DAPK2: variants seen among roughly 807,000 people sequenced by gnomAD.
The protein encoded by DAPK2 is death associated protein kinase 2.
DAPK2 carries 35 observed loss-of-function variants against 44.1 expected under a neutral mutation model. The ratio of observed to expected loss-of-function variants is 0.79; its 90% CI spans 0.61 to 1.05. DAPK2 has a LOEUF of 1.05. Ranked by LOEUF, DAPK2 falls within the 50% of genes least tolerant of loss-of-function variation. The probability of loss-of-function intolerance (pLI) is 0.00; values close to 1 mark genes in which losing one functional copy is unlikely to be tolerated. For missense variants in DAPK2, 453 were observed against 483.2 expected, an observed-to-expected ratio of 0.94 and a Z score of 0.59; for synonymous variants, 174 against 182.6, an observed-to-expected ratio of 0.95 and a Z score of 0.38.
chr15:63,945,729 C>A (rs549053726), intron 3 of DAPK2, among the ~76,000 whole-genome samples: 1 of 152,310 alleles, frequency 6.6e-6, no homozygotes, highest in South Asian at 2.1e-4. Context: ...CTCAGCCCCC[C>A]AACTGTAAGT....
At chr15:63,927,418 T>C (rs1362195687) in intron 6 of DAPK2, among the ~76,000 whole-genome samples, 1 of 152,156 alleles carries the variant, frequency 6.6e-6, no homozygotes, top group African/African-American at 2.4e-5. Flanking sequence ...GTTCCCTACA[T>C]CCCAGTTCAA....
chr15:64,033,697 A>C (rs949559631), intron 1 of DAPK2, among the ~76,000 whole-genome samples: 2 of 152,084 alleles, frequency 1.3e-5, no homozygotes, highest in Admixed American at 1.3e-4. Flanking sequence ...TCACGAGGTC[A>C]GGAGATGGAG....
chr15:63,945,711 C>T (rs150510479), intron 3 of DAPK2, among the ~76,000 whole-genome samples: 11 of 152,338 alleles, frequency 7.2e-5, no homozygotes, highest in Non-Finnish European at 1.3e-4. Context: ...CACGTCCTTT[C>T]TCTGGGCCTC....
chr15:63,921,980 A>T (rs2079085558), intron 8 of DAPK2: 1 of 152,204 alleles, frequency 6.6e-6, no homozygotes, highest in Non-Finnish European at 1.5e-5. Flanking sequence ...TACCTCTGGG[A>T]CCTGGACTTT....
At chr15:63,937,344 AT>A (rs371371085) in intron 4 of DAPK2, among the ~76,000 whole-genome samples, 57 of 151,764 alleles carry the variant, frequency 3.8e-4, no homozygotes, top group East Asian at 1.5e-3. Context: ...AAATTAGGGA[AT>A]TTTTTTTTGA....
At chr15:64,036,442 A>G (rs1400815255) in intron 1 of DAPK2, among the ~76,000 whole-genome samples, 1 of 150,240 alleles carries the variant, frequency 6.7e-6, no homozygotes, top group African/African-American at 2.4e-5. Context: ...TCTGTGAAAC[A>G]GACACCCAGA....
At chr15:64,030,838 C>T (rs1286090399) in intron 1 of DAPK2, among the ~76,000 whole-genome samples, 2 of 152,116 alleles carry the variant, frequency 1.3e-5, no homozygotes, top group African/African-American at 4.8e-5. Flanking sequence ...GTCTAGGGCA[C>T]ATGCCTATAG....
At chr15:64,021,956 G>T (rs1020712936) in intron 1 of DAPK2, among the ~76,000 whole-genome samples, 1 of 152,206 alleles carries the variant, frequency 6.6e-6, no homozygotes, top group Admixed American at 6.5e-5. Context: ...ATGAGACTAA[G>T]TTGGTCACAT....
chr15:64,035,301 C>T (rs1010242076), intron 1 of DAPK2, among the ~76,000 whole-genome samples: 4 of 152,154 alleles, frequency 2.6e-5, no homozygotes, highest in African/African-American at 9.7e-5. Context: ...TGTGGAAGTT[C>T]ACAAAACCAT....
upstream of DAPK2, among the ~76,000 whole-genome samples, chr15:64,042,235 C>G (rs2080368772): frequency 6.6e-6 from 1 of 152,112 alleles, no homozygotes; most frequent in Admixed American, 6.6e-5. The surrounding 1 kb of genome is among the most constrained non-coding windows in gnomAD (Gnocchi z 4.7). Context: ...AGCCCTCTAG[C>G]AAGTTTAGCT....
At chr15:63,971,049 T>G (rs1306675452) in intron 3 of DAPK2, among the ~76,000 whole-genome samples, 1 of 152,186 alleles carries the variant, frequency 6.6e-6, no homozygotes, top group Non-Finnish European at 1.5e-5. Flanking sequence ...ACTTCAGCAA[T>G]CCTCCAAACA....
At chr15:63,951,270 A>G (rs1439411240) in intron 3 of DAPK2, among the ~76,000 whole-genome samples, 1 of 152,106 alleles carries the variant, frequency 6.6e-6, no homozygotes, top group Non-Finnish European at 1.5e-5. Flanking sequence ...ACACAAAACC[A>G]CATAAAAATG....
upstream of DAPK2, chr15:64,040,357 G>C: frequency 1.0e-6 from 1 of 976,764 alleles, no homozygotes. Flanking sequence ...GGCTGCAAGG[G>C]AGCTAATAAT....
chr15:64,007,521 TG>T (rs1210892666), intron 1 of DAPK2, among the ~76,000 whole-genome samples: 1 of 152,128 alleles, frequency 6.6e-6, no homozygotes, highest in Non-Finnish European at 1.5e-5. Context: ...AAGTCAATGC[TG>T]GGAAGGCAGG....
intron 2 of DAPK2, among the ~76,000 whole-genome samples, chr15:63,978,640 T>A (rs28521948): frequency 0.029 from 4,378 of 152,220 alleles, 210 homozygotes; most frequent in African/African-American, 0.096. Flanking sequence ...ACATTAATGC[T>A]CAGTCACCTC....
intron 1 of DAPK2, among the ~76,000 whole-genome samples, chr15:64,019,095 C>A (rs568270218): frequency 9.8e-5 from 15 of 152,308 alleles, no homozygotes; most frequent in Non-Finnish European, 1.5e-4. Flanking sequence ...CCCCCATCCC[C>A]ACCCCAACAT....
intron 2 of DAPK2, among the ~76,000 whole-genome samples, chr15:63,978,038 T>A (rs993227157): frequency 2.0e-5 from 3 of 152,234 alleles, no homozygotes; most frequent in African/African-American, 7.2e-5. Context: ...TCCCCAGCTA[T>A]ATTATTTTTG....
At chr15:64,017,039 G>A (rs879298627) in intron 1 of DAPK2, among the ~76,000 whole-genome samples, 2 of 152,130 alleles carry the variant, frequency 1.3e-5, no homozygotes, top group Non-Finnish European at 2.9e-5. Context: ...TCTCATTGCT[G>A]TTGTGGATAC....
At chr15:63,934,400 G>A (rs1425991699) in intron 4 of DAPK2, among the ~76,000 whole-genome samples, 3 of 151,744 alleles carry the variant, frequency 2.0e-5, no homozygotes, top group Non-Finnish European at 4.4e-5. Flanking sequence ...GGGATTACAG[G>A]CACCCACCAC....
Sources: allele counts gnomAD v4.1 joint callset (sites outside exome capture counted in the v4.1 genomes callset), GRCh38; gene constraint gnomAD v4.1.1; non-coding constraint Gnocchi (gnomAD v3.1); transcripts MANE v1.5; gene names NCBI Gene and HGNC (gene_info 2026-07-23, HGNC 2026-07-21).